SLC66A3: variants seen among roughly 807,000 people sequenced by gnomAD.
SLC66A3 encodes PQ loop repeat containing 3.
SLC66A3 carries 23 observed loss-of-function variants against 25.5 expected under a neutral mutation model. That is an observed-to-expected ratio of 0.90 (90% CI 0.65 to 1.28). SLC66A3 has a LOEUF of 1.28. Among genes scored for constraint, SLC66A3 ranks in the 50% most tolerant of loss-of-function variants. The pLI, the probability that SLC66A3 is intolerant of heterozygous loss-of-function variation, is 0.00. For missense variants in SLC66A3, 246 were observed against 262.1 expected (o/e 0.94, Z 0.42); for synonymous variants, 108 against 112.6 (o/e 0.96, Z 0.26).
chr2:11,175,491 G>A (rs947151068), intron 6 of SLC66A3, among the ~76,000 whole-genome samples: 2 of 152,212 alleles, frequency 1.3e-5, no homozygotes, highest in Admixed American at 6.5e-5. Flanking sequence ...GGTCATGAGC[G>A]AAGGACAAAG....
intron 3 of SLC66A3, among the ~76,000 whole-genome samples, 200 bp from the exon 4 acceptor site, chr2:11,164,004 G>A (rs1421170050): frequency 5.3e-5 from 8 of 152,104 alleles, no homozygotes; most frequent in South Asian, 2.1e-4. Context: ...ACCTGTTTTC[G>A]TTCTTTTGAA....
chr2:11,161,262 G>T (rs1168249944), intron 3 of SLC66A3, among the ~76,000 whole-genome samples: 2 of 69,292 alleles, frequency 2.9e-5, no homozygotes, highest in African/African-American at 4.0e-5. Flanking sequence ...CCAGGAGAGT[G>T]TTTTTTTTTT....
At chr2:11,172,804 C>T (rs757512910) in intron 5 of SLC66A3, 23 of 417,232 alleles carry the variant, frequency 5.5e-5, no homozygotes, top group Non-Finnish European at 7.3e-5. Context: ...TCACTCACTG[C>T]GGGTTTCCAA....
Position 11,176,525 on chromosome 2 carries a change from C to CTTTT in SLC66A3, c.518-1194_518-1191dup, listed in dbSNP as rs775778444. 2.8e-3 allele frequency among the ~76,000 whole-genome samples: 246 copies of CTTTT among 87,290 alleles called. 11 individuals carry two copies. Among genetic ancestry groups the CTTTT allele is most frequent in the African/African-American group, 8.4e-3 (200 of 23,728 alleles). The allele number at this position is 87,290 out of a possible 152,430, so 57.3% of individuals were successfully genotyped here. A position where few individuals can be genotyped will look rare whatever the true frequency, so the allele number is the denominator to read the frequency against. The stretch of plus-strand genomic sequence containing the variant: ...GCCACCGCGCCCGGCCTGGGAATAA[C>CTTTT]TTTTTTTTTTTTTTTTTTTTTGAGA... On this transcript the variant is annotated intron_variant, in intron 6 of 6. Transcript: ENST00000295083.
intron 4 of SLC66A3, among the ~76,000 whole-genome samples, chr2:11,171,105 G>A (rs903867452): frequency 9.2e-5 from 14 of 151,970 alleles, no homozygotes; most frequent in African/African-American, 3.4e-4. Context: ...ATCACCTGAG[G>A]TCAGGAATTT....
chr2:11,172,621 TTCATC>T (rs1662593961), intron 5 of SLC66A3: 1 of 224,688 alleles, frequency 4.5e-6, no homozygotes, highest in Non-Finnish European at 9.5e-6. Context: ...TTAAGTAGAC[TTCATC>T]ATGGTTCTTC....
chr2:11,166,932 C>G (rs946777092), intron 4 of SLC66A3, among the ~76,000 whole-genome samples: 2 of 152,146 alleles, frequency 1.3e-5, no homozygotes, highest in Non-Finnish European at 2.9e-5. Flanking sequence ...CATACTTGTA[C>G]TAAAACATTA....
rs759296892 is a variant in SLC66A3 at position 11,160,489 on chromosome 2, AGT to A, written c.170_171del (p.Cys57LeufsTer30). On this transcript the variant is annotated frameshift_variant, in exon 2 of 7. Coordinates refer to ENST00000295083, the MANE Select transcript of SLC66A3 (RefSeq NM_152391.5). LOFTEE classifies it high-confidence loss of function. ...AGATTCCTGGTGTTTCTGCGGTACC[AGT>A]GTTACTATGGGTATCCGCCGCTGAC... The A allele has an allele frequency of 5.6e-6, 9 of 1,614,066 alleles. No individual in the cohort carries two copies. The highest frequency in any genetic ancestry group is 5.9e-6 in the Non-Finnish European group (7 of 1,180,010).
At chr2:11,164,430 C>T (rs1024461800) in intron 4 of SLC66A3, among the ~76,000 whole-genome samples, 169 bp downstream of exon 4, 13 of 149,896 alleles carry the variant, frequency 8.7e-5, no homozygotes, top group Non-Finnish European at 1.5e-4. Flanking sequence ...CAACCTCCAC[C>T]TCCTGGGTTC....
chr2:11,156,210 C>A (rs890783931), intron 1 of SLC66A3, among the ~76,000 whole-genome samples: 3 of 152,104 alleles, frequency 2.0e-5, no homozygotes, highest in Non-Finnish European at 4.4e-5. Context: ...GGTCTTAAGA[C>A]AATTGCATTT....
At chr2:11,156,059 G>A (rs1446579411) in intron 1 of SLC66A3, among the ~76,000 whole-genome samples, 1 of 152,184 alleles carries the variant, frequency 6.6e-6, no homozygotes, top group African/African-American at 2.4e-5. Context: ...AACTCACCAC[G>A]CACCGTCAAC....
chr2:11,177,481 G>C (rs1355837408), intron 6 of SLC66A3, among the ~76,000 whole-genome samples: 1 of 151,222 alleles, frequency 6.6e-6, no homozygotes, highest in Non-Finnish European at 1.5e-5. Flanking sequence ...AAAGTTAAAA[G>C]TTATAACCCT....
In SLC66A3 at chr2:11,171,802, T is replaced by C. The variant is rs1466081243; in HGVS notation, c.355-123T>C. 5 of 928,918 alleles carry C rather than the reference T, an allele frequency of 5.4e-6. No individual in the cohort carries two copies. In the South Asian group the frequency reaches 7.2e-5, roughly 13 times the overall value. 57.5% of individuals were successfully genotyped at this position (928,918 alleles called of 1,614,324 possible). ...CCAGGATGGTCTCGATCTCCTGACC[T>C]CATGATCTGCCTGCCTCGGCCTCCC... On this transcript the variant is annotated intron_variant, in intron 4 of 6. Coordinates refer to ENST00000295083, the MANE Select transcript of SLC66A3 (RefSeq NM_152391.5).
chr2:11,170,149 T>G (rs1466263693), intron 4 of SLC66A3, among the ~76,000 whole-genome samples: 1 of 152,204 alleles, frequency 6.6e-6, no homozygotes, highest in Non-Finnish European at 1.5e-5. Flanking sequence ...TTTCTCTTTT[T>G]GCCACATCCC....
Position 11,160,636 on chromosome 2 carries a change from C to T in SLC66A3, c.238C>T (p.Leu80=). The T allele has an allele frequency of 6.2e-7, 1 of 1,614,158 alleles. No individual in the cohort carries two copies. The highest frequency in any genetic ancestry group is 8.5e-7 in the Non-Finnish European group (1 of 1,180,038). ...PILIAQDVIL[L]LCIFHFNGNV... is the part of the protein sequence containing the mutation. Reference sequence around the variant, plus strand: ...CCTCTCTCTTTCAGATGTCATCCTCCTGCTCTGTATCTTTCATTTTAACGG... The same window carrying T: ...CCTCTCTCTTTCAGATGTCATCCTCTTGCTCTGTATCTTTCATTTTAACGG... Residue 80 remains leucine (L), a synonymous_variant, in exon 3 of 7, where the codon CTG becomes TTG. Coordinates refer to ENST00000295083, the MANE Select transcript of SLC66A3 (RefSeq NM_152391.5).
At chr2:11,160,375 C>A in intron 1 of SLC66A3, 91 bp from the exon 2 acceptor site, 1 of 1,103,530 alleles carries the variant, frequency 9.1e-7, no homozygotes, top group Non-Finnish European at 1.4e-6. Flanking sequence ...TGCAAGGATT[C>A]GGCAAACTGA....
chr2:11,166,215 GCTT>G (rs1318403366), intron 4 of SLC66A3, among the ~76,000 whole-genome samples: 4 of 152,184 alleles, frequency 2.6e-5, no homozygotes, highest in African/African-American at 4.8e-5. Flanking sequence ...CAGTTAACTA[GCTT>G]CTTCTTAGGT....
At chr2:11,168,084 T>G (rs985679287) in intron 4 of SLC66A3, among the ~76,000 whole-genome samples, 3 of 151,990 alleles carry the variant, frequency 2.0e-5, no homozygotes, top group African/African-American at 7.3e-5. Flanking sequence ...ATCAAGACCA[T>G]CCTGGCTAAC....
intron 4 of SLC66A3, among the ~76,000 whole-genome samples, chr2:11,167,777 A>G (rs1246155331): frequency 6.6e-6 from 1 of 152,062 alleles, no homozygotes; most frequent in African/African-American, 2.4e-5. Flanking sequence ...CAGAGCTCAC[A>G]CATGGTAGCA....
Sources: gnomAD v4.1 joint callset for allele counts (sites outside exome capture counted in the v4.1 genomes callset) on GRCh38, gnomAD v4.1.1 for gene constraint, MANE v1.5 for transcripts, NCBI Gene and HGNC (gene_info 2026-07-23, HGNC 2026-07-21) for gene names.